ANO5: variants seen among roughly 807,000 people sequenced by gnomAD.
ANO5 encodes the protein anoctamin 5, also known as anoctamin-5.
A neutral mutation model predicts 121.0 loss-of-function variants in ANO5; 109 were observed. That is an observed-to-expected ratio of 0.90 (90% confidence interval 0.77 to 1.06). The LOEUF (loss-of-function observed/expected upper bound fraction) is 1.06, where lower values mean the gene tolerates loss of function less well. Among genes scored for constraint, ANO5 ranks in the 50% least tolerant of loss-of-function variants. The pLI is 0.00. For synonymous variants in ANO5, 406 were observed against 359.9 expected, an observed-to-expected ratio of 1.13 and a Z score of -1.45; for missense variants, 1,064 against 1,078.5, an observed-to-expected ratio of 0.99 and a Z score of 0.19.
Position 22,239,648 on chromosome 11 carries a change from C to T in ANO5, c.842C>T (p.Ser281Phe), listed in dbSNP as rs1590266478. ...CTTCACCAGAATTGGGCTCGATTTT[C>T]CTATTTCTACAAGGAGCAGCCTTTA... ...YTLHQNWARF[S>F]YFYKEQPLDL... is the part of the protein sequence containing the mutation. The change falls in exon 9 of 22, where the codon TCC (serine) becomes TTC (phenylalanine). Residue 281 changes from serine (S) to phenylalanine (F), a missense_variant. Ser to Phe is a radical substitution (Grantham distance 155, BLOSUM62 -2). Transcript: ENST00000324559. The T allele has an allele frequency of 6.2e-7, 1 of 1,612,366 alleles. No homozygotes were observed. The highest frequency in any genetic ancestry group is 8.5e-7 in the Non-Finnish European group (1 of 1,178,658).
chr11:22,203,187 T>G (rs1403766224), intron 1 of ANO5, among the ~76,000 whole-genome samples: 1 of 152,150 alleles, frequency 6.6e-6, no homozygotes, highest in Admixed American at 6.6e-5. Context: ...ATATAGGAAG[T>G]TTTTGACTTA....
chr11:22,255,954 C>A (rs1853988996), intron 13 of ANO5, among the ~76,000 whole-genome samples: 1 of 151,976 alleles, frequency 6.6e-6, no homozygotes, highest in South Asian at 2.1e-4. Flanking sequence ...TGAAATGATG[C>A]TAAGTGATAT....
chr11:22,264,272 G>A (rs930881439), intron 17 of ANO5, among the ~76,000 whole-genome samples: 21 of 151,826 alleles, frequency 1.4e-4, no homozygotes, highest in East Asian at 7.8e-4. Flanking sequence ...TGATCCACCC[G>A]CCTCAGCCTC....
At chr11:22,225,517 G>T (rs1247576772) in intron 5 of ANO5, among the ~76,000 whole-genome samples, 1 of 152,032 alleles carries the variant, frequency 6.6e-6, no homozygotes, top group Admixed American at 6.6e-5. Flanking sequence ...TTTCAGTAAT[G>T]ACCTATAGTT....
chr11:22,276,014 T>G, intron 20 of ANO5, 80 bp from the exon 21 acceptor site: 1 of 961,748 alleles, frequency 1.0e-6, no homozygotes, highest in East Asian at 2.6e-5. Flanking sequence ...TTAAGAGAAA[T>G]AAGAAATTAT....
intron 3 of ANO5, among the ~76,000 whole-genome samples, chr11:22,214,812 TA>T (rs1852388539): frequency 6.6e-6 from 1 of 152,018 alleles, no homozygotes; most frequent in African/African-American, 2.4e-5. Context: ...TAATCCAACG[TA>T]ATATCACTGG....
chr11:22,266,421 C>T (rs954038071), intron 17 of ANO5, among the ~76,000 whole-genome samples: 1 of 152,120 alleles, frequency 6.6e-6, no homozygotes, highest in African/African-American at 2.4e-5. Context: ...TCCTCTTAAT[C>T]CACATTTGCT....
chr11:22,251,436 T>C (rs1853813381), intron 12 of ANO5, among the ~76,000 whole-genome samples: 1 of 152,160 alleles, frequency 6.6e-6, no homozygotes, highest in Non-Finnish European at 1.5e-5. Flanking sequence ...CTAGTTACAG[T>C]TACCACTTCC....
At position 22,193,457 on chromosome 11, in the gene ANO5, C is replaced by T. The variant is rs1851712859; in HGVS notation, c.-36C>T. The T allele has an allele frequency of 2.5e-6, 4 of 1,604,090 alleles. No homozygotes were observed. Among genetic ancestry groups the T allele is most frequent in the Non-Finnish European group, 3.4e-6 (4 of 1,175,922 alleles). ...GTCTCAGCTGCCCCTCTCCTGCTGC[C>T]TCTCAGGCACCAGTGCCATTAACGA... On this transcript the variant is annotated 5_prime_UTR_variant, in exon 1 of 22. Transcript: ENST00000324559.
rs751614857 is a variant in ANO5, at chr11:22,227,496, T to C, written c.558T>C (p.Tyr186=). The C allele has an allele frequency of 6.2e-7, 1 of 1,613,580 alleles. No homozygotes were observed. The highest frequency in any genetic ancestry group is 8.5e-7 in the Non-Finnish European group (1 of 1,179,758). The change falls in exon 7 of 22, where the codon TAT becomes TAC. Residue 186 remains tyrosine (Y), a synonymous_variant. Transcript: ENST00000324559. ...PLSVKYPHPE[Y]FTAQFSRHRQ... ...GTGTGAAGTATCCCCATCCTGAATA[T>C]TTTACTGCACAATTCAGCAGACATC...
rs146010497 is a variant in ANO5, at chr11:22,208,765, T to C, written c.88-2499T>C. Reference sequence around the variant, plus strand: ...GGGTAGGGGTTACATGGGATCTGTGTGTATTATTTTGGCAAATTCCTGTGA... The same window carrying C: ...GGGTAGGGGTTACATGGGATCTGTGCGTATTATTTTGGCAAATTCCTGTGA... On this transcript the variant is annotated intron_variant, in intron 2 of 21. Coordinates refer to ENST00000324559, the MANE Select transcript of ANO5 (RefSeq NM_213599.3). Among the ~76,000 whole-genome samples the C allele has an allele frequency of 3.0e-3, 452 of 152,052 alleles. 3 individuals carry two copies. Among genetic ancestry groups the C allele is most frequent in the African/African-American group, 0.01 (420 of 41,534 alleles).
intron 7 of ANO5, among the ~76,000 whole-genome samples, chr11:22,231,314 A>G (rs1483421246): frequency 2.0e-5 from 3 of 151,974 alleles, no homozygotes; most frequent in Admixed American, 6.6e-5. Context: ...CAATATTTCA[A>G]TATCACTTTT....
intron 1 of ANO5, among the ~76,000 whole-genome samples, chr11:22,199,227 A>G (rs1473496990): frequency 6.6e-6 from 1 of 152,202 alleles, no homozygotes; most frequent in African/African-American, 2.4e-5. Flanking sequence ...GCTTAACAGT[A>G]GAATAGAATA....
chr11:22,259,948 G>GAAAA (rs36077990), intron 15 of ANO5, among the ~76,000 whole-genome samples: 6 of 142,296 alleles, frequency 4.2e-5, no homozygotes, highest in African/African-American at 1.6e-4. Context: ...CAAAATAACT[G>GAAAA]AAAAAAAAAA....
chr11:22,252,406 T>C (rs1420872067), intron 12 of ANO5, among the ~76,000 whole-genome samples: 1 of 152,184 alleles, frequency 6.6e-6, no homozygotes, highest in African/African-American at 2.4e-5. Flanking sequence ...ACACCTGCCT[T>C]ATATTACATC....
chr11:22,267,609 A>G (rs1468332596), intron 17 of ANO5, among the ~76,000 whole-genome samples: 3 of 124,654 alleles, frequency 2.4e-5, no homozygotes, highest in Non-Finnish European at 4.8e-5. Context: ...GTACCAGTAC[A>G]ACAATCTCTC....
chr11:22,257,219 A>G (rs1370538123), intron 13 of ANO5, among the ~76,000 whole-genome samples: 4 of 152,186 alleles, frequency 2.6e-5, no homozygotes, highest in Non-Finnish European at 5.9e-5. Context: ...TAAAGGTGGA[A>G]TTCTTGGCTC....
intron 6 of ANO5, 48 bp from the exon 7 acceptor site, chr11:22,227,254 C>T (rs751874156): frequency 1.9e-6 from 3 of 1,601,386 alleles, no homozygotes; most frequent in Non-Finnish European, 8.5e-7. Context: ...AGCTCAATAA[C>T]AAACTGATCA....
At chr11:22,276,305 C>G in intron 21 of ANO5, 106 bp downstream of exon 21, 1 of 903,184 alleles carries the variant, frequency 1.1e-6, no homozygotes, top group Middle Eastern at 2.1e-4. Flanking sequence ...AGTAAACTGT[C>G]TTGAAGGAAG....
Sources: allele counts gnomAD v4.1 joint callset (sites outside exome capture counted in the v4.1 genomes callset), GRCh38; gene constraint gnomAD v4.1.1; transcripts MANE v1.5; gene names NCBI Gene and HGNC (gene_info 2026-07-23, HGNC 2026-07-21).